Variants in C12orf42 observed in about 807,000 individuals in gnomAD.
C12orf42 encodes the protein chromosome 12 open reading frame 42.
C12orf42 carries 25 observed loss-of-function variants against 21.6 expected under a neutral mutation model. The ratio of observed to expected loss-of-function variants is 1.16; its 90% CI spans 0.84 to 1.62. The LOEUF (loss-of-function observed/expected upper bound fraction) is 1.62. Among genes scored for constraint, C12orf42 ranks in the 40% most tolerant of loss-of-function variants. The pLI, the probability that C12orf42 is intolerant of heterozygous loss-of-function variation, is 0.00. For synonymous variants in C12orf42, 174 were observed against 175.0 expected (o/e 0.99, Z 0.05); for missense variants, 483 against 459.3 (o/e 1.05, Z -0.47).
chr12:103,284,155 G>A (rs1021207859), intron 4 of C12orf42, among the ~76,000 whole-genome samples: 1 of 152,164 alleles, frequency 6.6e-6, no homozygotes. Flanking sequence ...CATTACATAA[G>A]ACGGCAAGGG....
At chr12:103,186,422 C>G in the C12orf42 span, among the ~76,000 whole-genome samples, 1 of 152,000 alleles carries the variant, frequency 6.6e-6, no homozygotes, top group Non-Finnish European at 1.5e-5. Context: ...ATTTAGAGTT[C>G]TTGCCTTTCA....
chr12:103,064,640 C>T, the C12orf42 span, among the ~76,000 whole-genome samples: 1 of 152,230 alleles, frequency 6.6e-6, no homozygotes, highest in Non-Finnish European at 1.5e-5. Context: ...AGGCCGGGTC[C>T]CCTTGGGGAA....
chr12:103,111,846 A>G, the C12orf42 span, among the ~76,000 whole-genome samples: 1 of 152,228 alleles, frequency 6.6e-6, no homozygotes, highest in Non-Finnish European at 1.5e-5. Flanking sequence ...GAAAAAAGGA[A>G]CATGAAGAAT....
chr12:103,494,360 G>A (rs534669889), intron 1 of C12orf42, among the ~76,000 whole-genome samples: 13 of 152,260 alleles, frequency 8.5e-5, no homozygotes, highest in Non-Finnish European at 1.8e-4. Flanking sequence ...TTTTCTGTAC[G>A]CCTGTACAAC....
the C12orf42 span, among the ~76,000 whole-genome samples, chr12:103,194,571 G>A: frequency 2.6e-5 from 4 of 151,938 alleles, no homozygotes; most frequent in African/African-American, 9.7e-5. Context: ...ATTTACGATA[G>A]CATCAAAAAT....
intron 1 of C12orf42, among the ~76,000 whole-genome samples, chr12:103,493,343 A>G (rs1955303421): frequency 6.6e-6 from 1 of 152,138 alleles, no homozygotes; most frequent in Admixed American, 6.5e-5. Context: ...TCAGTGACTC[A>G]GGATCCCTGA....
At chr12:103,145,153 AC>A in the C12orf42 span, among the ~76,000 whole-genome samples, 4 of 152,078 alleles carry the variant, frequency 2.6e-5, no homozygotes, top group African/African-American at 9.7e-5. Context: ...AAAAACTCAA[AC>A]TTTTATACTG....
chr12:103,493,499 CTGCT>C (rs1167078805), intron 1 of C12orf42, among the ~76,000 whole-genome samples: 1 of 152,016 alleles, frequency 6.6e-6, no homozygotes, highest in Non-Finnish European at 1.5e-5. Flanking sequence ...GCACGTGCCT[CTGCT>C]TGCTTGGTGT....
chr12:103,083,918 T>C, the C12orf42 span, among the ~76,000 whole-genome samples: 2 of 152,206 alleles, frequency 1.3e-5, no homozygotes, highest in South Asian at 2.1e-4. Flanking sequence ...AAAAACTGTA[T>C]CTCCATCAAC....
At chr12:103,401,308 A>T (rs1197737423) in intron 3 of C12orf42, among the ~76,000 whole-genome samples, 2 of 152,150 alleles carry the variant, frequency 1.3e-5, no homozygotes, top group Non-Finnish European at 2.9e-5. Context: ...ACATACAGGC[A>T]CTGCAAAGAC....
At chr12:103,233,253 G>T (rs2033359804), downstream of C12orf42, among the ~76,000 whole-genome samples, 1 of 152,168 alleles carries the variant, frequency 6.6e-6, no homozygotes, top group South Asian at 2.1e-4. Flanking sequence ...AGGTCAGATA[G>T]TGTCAGTCCT....
chr12:103,453,293 CGTT>C (rs1023719926), intron 2 of C12orf42, among the ~76,000 whole-genome samples: 3 of 151,242 alleles, frequency 2.0e-5, no homozygotes, highest in African/African-American at 7.3e-5. Context: ...AGGTTTTTAA[CGTT>C]ATATTATTCT....
chr12:103,359,249 G>T (rs2043865524), intron 4 of C12orf42, among the ~76,000 whole-genome samples: 1 of 151,652 alleles, frequency 6.6e-6, no homozygotes, highest in Non-Finnish European at 1.5e-5. Context: ...TTAAAGATCT[G>T]GTTCATTGAA....
At chr12:103,183,101 A>G in the C12orf42 span, among the ~76,000 whole-genome samples, 1 of 152,194 alleles carries the variant, frequency 6.6e-6, no homozygotes, top group African/African-American at 2.4e-5. Flanking sequence ...TTTCATTTTA[A>G]GACGGAATCT....
chr12:103,487,560 A>C (rs1014119121), intron 1 of C12orf42, among the ~76,000 whole-genome samples: 4 of 152,182 alleles, frequency 2.6e-5, no homozygotes, highest in Admixed American at 1.3e-4. Flanking sequence ...TGGGGTGTTA[A>C]AGTCTCCCAT....
At chr12:103,170,591 G>T in the C12orf42 span, among the ~76,000 whole-genome samples, 1 of 149,112 alleles carries the variant, frequency 6.7e-6, no homozygotes, top group Non-Finnish European at 1.5e-5. Flanking sequence ...AAAAAAAAAA[G>T]CCAAATCCTG....
At chr12:103,387,595 T>C (rs985932180) in intron 3 of C12orf42, among the ~76,000 whole-genome samples, 1 of 152,196 alleles carries the variant, frequency 6.6e-6, no homozygotes, top group Admixed American at 6.5e-5. Context: ...GGGATGGCGG[T>C]TGCATCATAC....
intron 1 of C12orf42, among the ~76,000 whole-genome samples, chr12:103,486,811 CT>C (rs891807962): frequency 2.0e-5 from 3 of 152,114 alleles, no homozygotes; most frequent in African/African-American, 4.8e-5. Context: ...GTGATATCCC[CT>C]ATATGATTTT....
chr12:103,073,491 G>GTTTCTAAGAATTAT, the C12orf42 span, among the ~76,000 whole-genome samples: 1 of 152,090 alleles, frequency 6.6e-6, no homozygotes, highest in Non-Finnish European at 1.5e-5. Context: ...TGAGAGCTTA[G>GTTTCTAAGAATTAT]CTATTATCAT....
Sources: gnomAD v4.1 joint callset for allele counts (sites outside exome capture counted in the v4.1 genomes callset) on GRCh38, gnomAD v4.1.1 for gene constraint, MANE v1.5 for transcripts, NCBI Gene and HGNC (gene_info 2026-07-23, HGNC 2026-07-21) for gene names.